Variants in ABCA12 observed in about 807,000 individuals in gnomAD.
ABCA12 encodes the protein glucosylceramide transporter ABCA12.
A neutral mutation model predicts 293.5 loss-of-function variants in ABCA12; 156 were observed. The observed-to-expected ratio is 0.53, with a 90% CI of 0.47 to 0.61. The LOEUF (loss-of-function observed/expected upper bound fraction) is 0.61. Among genes scored for constraint, ABCA12 ranks in the 20% least tolerant of loss-of-function variants. The probability of loss-of-function intolerance (pLI) is 0.00; values close to 1 mark genes in which losing one functional copy is unlikely to be tolerated. For missense variants in ABCA12, 2,797 were observed against 3,090.2 expected (o/e 0.91, Z 2.25); for synonymous variants, 1,063 against 1,108.0 (o/e 0.96, Z 0.81).
At chr2:215,048,443 C>T (rs1328637743) in intron 6 of ABCA12, among the ~76,000 whole-genome samples, 3 of 151,906 alleles carry the variant, frequency 2.0e-5, no homozygotes, top group South Asian at 4.2e-4. Flanking sequence ...GTCTATAATC[C>T]CAGCACTTTG....
At chr2:214,992,590 A>G (rs375950968) in intron 23 of ABCA12, among the ~76,000 whole-genome samples, 5 of 134,740 alleles carry the variant, frequency 3.7e-5, no homozygotes, top group Admixed American at 7.6e-5. Flanking sequence ...GGCCGGGCAC[A>G]GTGACTCACA....
chr2:215,041,167 T>C, intron 7 of ABCA12, among the ~76,000 whole-genome samples: 1 of 152,212 alleles, frequency 6.6e-6, no homozygotes, highest in Middle Eastern at 3.2e-3. Flanking sequence ...ACATGTGGTA[T>C]GCCATAAATA....
At chr2:215,009,372 G>T (rs1474882739) in intron 18 of ABCA12, among the ~76,000 whole-genome samples, 1 of 152,002 alleles carries the variant, frequency 6.6e-6, no homozygotes, top group East Asian at 1.9e-4. Flanking sequence ...CTTAATACCT[G>T]GGTGATAAAA....
At chr2:215,027,056 T>C (rs1700762224) in intron 9 of ABCA12, 118 bp from the exon 10 acceptor site, 1 of 780,164 alleles carries the variant, frequency 1.3e-6, no homozygotes, top group South Asian at 1.5e-5. Context: ...TGAAATACTA[T>C]GCAGTTGGCC....
chr2:215,063,652 T>C (rs938803292), intron 3 of ABCA12, among the ~76,000 whole-genome samples: 5 of 151,992 alleles, frequency 3.3e-5, no homozygotes, highest in Non-Finnish European at 7.4e-5. Context: ...CTGGTTTTTA[T>C]TGTATCTGAA....
intron 2 of ABCA12, chr2:215,082,638 G>C (rs561967847): frequency 6.6e-6 from 1 of 152,298 alleles, no homozygotes; most frequent in Admixed American, 6.5e-5. Context: ...AGGAGGACCA[G>C]TGGCCTGTGA....
intron 21 of ABCA12, among the ~76,000 whole-genome samples, 176 bp from the exon 22 acceptor site, chr2:215,001,196 T>A (rs1700137938): frequency 6.6e-6 from 1 of 152,146 alleles, no homozygotes; most frequent in Admixed American, 6.5e-5. Flanking sequence ...ACCTCAGAAA[T>A]TCAAAGCTGG....
chr2:215,115,577 C>T (rs143598556), intron 1 of ABCA12, among the ~76,000 whole-genome samples: 107 of 152,300 alleles, frequency 7.0e-4, no homozygotes, highest in Middle Eastern at 3.4e-3. Flanking sequence ...ACTGTCTCTA[C>T]ATCTCCTTGG....
intron 2 of ABCA12, among the ~76,000 whole-genome samples, chr2:215,095,589 A>G (rs896757370): frequency 1.3e-5 from 2 of 150,994 alleles, no homozygotes; most frequent in African/African-American, 4.9e-5. Flanking sequence ...TCTCCATACC[A>G]CCCCCAAAAA....
intron 3 of ABCA12, among the ~76,000 whole-genome samples, chr2:215,055,472 T>C (rs1302025815): frequency 1.3e-5 from 2 of 152,092 alleles, no homozygotes; most frequent in Non-Finnish European, 2.9e-5. Flanking sequence ...AATAAGTATG[T>C]ATGTTTCAAA....
chr2:214,950,763 C>T (rs1000727362), intron 45 of ABCA12, 116 bp downstream of exon 45: 8 of 1,175,958 alleles, frequency 6.8e-6, no homozygotes, highest in Non-Finnish European at 8.7e-6. Flanking sequence ...CCTCGGCCTC[C>T]CAAAGTGCTA....
At chr2:214,981,957 A>ATTTTTT (rs1699670492) in intron 30 of ABCA12, among the ~76,000 whole-genome samples, 1 of 123,954 alleles carries the variant, frequency 8.1e-6, no homozygotes, top group African/African-American at 3.2e-5. Flanking sequence ...TATTATTATT[A>ATTTTTT]TTATTATTAT....
At chr2:214,950,388 G>A (rs1416730924) in intron 45 of ABCA12, among the ~76,000 whole-genome samples, 2 of 39,256 alleles carry the variant, frequency 5.1e-5, no homozygotes, top group Admixed American at 2.5e-4. Flanking sequence ...ATATATCTGT[G>A]TGTGTGTGTG....
chr2:214,956,667 A>G lies in ABCA12; in HGVS notation c.6229T>C (p.Phe2077Leu). 1 of 1,611,024 alleles carries G rather than the reference A, an allele frequency of 6.2e-7. No homozygotes were observed. The highest frequency in any genetic ancestry group is 8.5e-7 in the Non-Finnish European group (1 of 1,177,454). ...ATTGCTTAATCAGCAGCTTACCCAA[A>G]CAGGAGAAGTAGGAGAGATACAGCG... ...LGAVSLLLLL[F>L]GYATFSWMYL... The change falls in exon 42 of 53, where the codon TTT (phenylalanine) becomes CTT (leucine). Residue 2077 changes from phenylalanine to leucine, a missense_variant. Physicochemically the swap from Phe to Leu is conservative, Grantham distance 22. Around this residue, in one of 3 missense-constraint regions of ABCA12, gnomAD observed 2,130 missense variants for 2,427.0 expected, o/e 0.88. Transcript: ENST00000272895.
At chr2:215,079,286 T>C (rs1284520347) in intron 2 of ABCA12, among the ~76,000 whole-genome samples, 1 of 152,238 alleles carries the variant, frequency 6.6e-6, no homozygotes, top group African/African-American at 2.4e-5. Context: ...GATTTCTTTT[T>C]GGAAAAATGT....
Position 215,009,497 on chromosome 2 carries a change from A to G in ABCA12, c.2472+834T>C, listed in dbSNP as rs1451895365. On this transcript the variant is annotated intron_variant, in intron 18 of 52. Transcript: ENST00000272895. ...AATCAACAAATAATTGTTTATTTAA[A>G]TTGAAAAACAAAGTTCATATATAAC... Among the ~76,000 whole-genome samples the G allele has an allele frequency of 7.9e-5, 12 of 152,196 alleles. No individual in the cohort carries two copies. In the East Asian group the frequency reaches 2.1e-3, roughly 27 times the overall value.
At chr2:215,044,271 C>T (rs527486095) in intron 7 of ABCA12, among the ~76,000 whole-genome samples, 30 of 152,244 alleles carry the variant, frequency 2.0e-4, no homozygotes, top group Non-Finnish European at 3.7e-4. Context: ...CCCATGCTAA[C>T]TTGTAATATA....
intron 2 of ABCA12, among the ~76,000 whole-genome samples, chr2:215,086,702 T>C (rs1262187917): frequency 6.6e-6 from 1 of 152,150 alleles, no homozygotes; most frequent in Non-Finnish European, 1.5e-5. Flanking sequence ...AAAACATTTT[T>C]CCAGCAAGGT....
intron 1 of ABCA12, among the ~76,000 whole-genome samples, chr2:215,128,100 T>C (rs1203819098): frequency 1.3e-5 from 2 of 152,220 alleles, no homozygotes; most frequent in Non-Finnish European, 2.9e-5. Context: ...AATTGTTTTA[T>C]TTGATGAGGC....
Sources: allele counts gnomAD v4.1 joint callset (sites outside exome capture counted in the v4.1 genomes callset), GRCh38; gene constraint gnomAD v4.1.1; regional missense constraint gnomAD v4.1.1; transcripts MANE v1.5; gene names NCBI Gene and HGNC (gene_info 2026-07-23, HGNC 2026-07-21).